CELSR1: variants seen among roughly 807,000 people sequenced by gnomAD.
The protein encoded by CELSR1 is cadherin EGF LAG seven-pass G-type receptor 1.
Under a neutral mutation model 249.1 loss-of-function variants are expected in CELSR1, and 110 were observed. That is an observed-to-expected ratio of 0.44 (90% confidence interval 0.38 to 0.52). The LOEUF (loss-of-function observed/expected upper bound fraction) is 0.52. Among genes scored for constraint, CELSR1 ranks in the 20% least tolerant of loss-of-function variants. The probability of loss-of-function intolerance (pLI) is 0.00; values close to 1 mark genes in which losing one functional copy is unlikely to be tolerated. For synonymous variants in CELSR1, 2,113 were observed against 1,900.0 expected, an observed-to-expected ratio of 1.11 and a Z score of -2.92; for missense variants, 4,109 against 4,296.4, an observed-to-expected ratio of 0.96 and a Z score of 1.22.
chr22:46,524,630 G>C lies in CELSR1; in HGVS notation c.3544+8997C>G, dbSNP rs982608888. Among the ~76,000 whole-genome samples the C allele has an allele frequency of 2.0e-5, 3 of 152,122 alleles. No individual in the cohort carries two copies. In the East Asian group the frequency reaches 5.8e-4, roughly 29 times the overall value. On this transcript the variant is annotated intron_variant, in intron 1 of 34. Coordinates refer to ENST00000674500, the MANE Select transcript of CELSR1 (RefSeq NM_001378328.1). ...AGCCCCTGGCCTTCATCCAGGACAA[G>C]AGAACAGGCGCTAGAGGGATGACCC...
At position 46,464,827 on chromosome 22, in the gene CELSR1, G is replaced by A. The variant is rs73454584; in HGVS notation, c.3545-482C>T. 0.038 allele frequency among the ~76,000 whole-genome samples: 5,754 copies of A among 152,082 alleles called. 313 individuals carry two copies. Among genetic ancestry groups the A allele is most frequent in the African/African-American group, 0.12 (4,904 of 41,460 alleles). ...CCTCCCAACAGTTCTTCCTGTCCTC[G>A]CAGCTCAGCTCAAACTCTGCAGTGC... On this transcript the variant is annotated intron_variant, in intron 1 of 34. Transcript: ENST00000674500. The surrounding 1 kb of genome is among the most constrained non-coding windows in gnomAD (Gnocchi z 8.5).
At chr22:46,365,484 A>G (rs2147156700) in intron 31 of CELSR1, 102 bp downstream of exon 31, 2 of 1,554,304 alleles carry the variant, frequency 1.3e-6, no homozygotes, top group Non-Finnish European at 1.7e-6. Context: ...GACGCTGAGC[A>G]TGGCGAGGCT....
In CELSR1 at chr22:46,463,897, G is replaced by A. The variant is rs1458995662; in HGVS notation, c.3993C>T (p.Leu1331=). The part of the protein sequence containing the change: ...VLRFDSSAPF[L]SSTTVLFRPI... ...GCCGGAAGAGCACGGTGGTGGAGCT[G>A]AGGAAGGGCGCGGAGCTGTCGAATC... The change falls in exon 2 of 35, where the codon CTC becomes CTT. Residue 1331 remains leucine (L), a synonymous_variant. Coordinates refer to ENST00000674500, the MANE Select transcript of CELSR1 (RefSeq NM_001378328.1). 1.2e-6 allele frequency: 2 copies of A among 1,613,412 alleles called. No homozygotes were observed. The highest frequency in any genetic ancestry group is 8.5e-7 in the Non-Finnish European group (1 of 1,179,696).
chr22:46,387,444 A>G (rs9627435), intron 18 of CELSR1, among the ~76,000 whole-genome samples: 4,159 of 152,142 alleles, frequency 0.027, 198 homozygotes, highest in African/African-American at 0.095. Context: ...GCAGTGGCAC[A>G]GTCTTGGCTC....
intron 19 of CELSR1, among the ~76,000 whole-genome samples, chr22:46,385,957 G>C (rs542028036): frequency 1.4e-4 from 20 of 145,112 alleles, no homozygotes; most frequent in African/African-American, 5.4e-4. Flanking sequence ...GATTACAGGC[G>C]TGAGCCACCG....
chr22:46,536,673 A>G lies in CELSR1; in HGVS notation c.498T>C (p.Cys166=). 1 of 1,164,858 alleles carries G rather than the reference A, an allele frequency of 8.6e-7. No individual in the cohort carries two copies. The highest frequency in any genetic ancestry group is 1.1e-6 in the Non-Finnish European group (1 of 947,102). 72.2% of individuals were successfully genotyped at this position (1,164,858 alleles called of 1,614,324 possible). Residue 166 remains cysteine, a synonymous_variant, in exon 1 of 35, where the codon TGT becomes TGC. Coordinates refer to ENST00000674500, the MANE Select transcript of CELSR1 (RefSeq NM_001378328.1). ...CRCPPRPRPR[C]PGRPICLPPG... is the part of the protein sequence containing the mutation. ...GCGGCAGGCAGATGGGACGGCCGGG[A>G]CAGCGGGGCCTGGGGCGCGGCGGGC...
chr22:46,362,716 C>A lies in CELSR1; in HGVS notation c.*507G>T. 5.8e-6 allele frequency: 1 copy of A among 173,378 alleles called. No homozygotes were observed. The highest frequency in any genetic ancestry group is 2.4e-5 in the African/African-American group (1 of 42,400). 10.7% of individuals were successfully genotyped at this position (173,378 alleles called of 1,614,324 possible). ...CCCATACAAATATATAAAAGTATCT[C>A]CACCTTTCCCACATAGCGAAGTGAT... On this transcript the variant is annotated 3_prime_UTR_variant, in exon 35 of 35. Transcript: ENST00000674500.
At chr22:46,519,662 T>A (rs1338191748) in intron 1 of CELSR1, among the ~76,000 whole-genome samples, 1 of 152,098 alleles carries the variant, frequency 6.6e-6, no homozygotes, top group Non-Finnish European at 1.5e-5. Context: ...CCCATGCCCC[T>A]GAGATGCAAG....
intron 11 of CELSR1, 35 bp from the exon 12 acceptor site, chr22:46,397,883 C>G: frequency 1.3e-6 from 2 of 1,482,680 alleles, no homozygotes; most frequent in Non-Finnish European, 1.8e-6. Flanking sequence ...GCTACAGGAG[C>G]CCGGAAAGGT....
chr22:46,518,513 C>G lies in CELSR1; in HGVS notation c.3544+15114G>C, dbSNP rs2080651704. On this transcript the variant is annotated intron_variant, in intron 1 of 34. Coordinates refer to ENST00000674500, the MANE Select transcript of CELSR1 (RefSeq NM_001378328.1). The surrounding 1 kb of genome is among the most constrained non-coding windows in gnomAD (Gnocchi z 5.2). The stretch of plus-strand genomic sequence containing the variant: ...TTAACACGAAGAAACCAGTCACACA[C>G]ACAAACATGAAGGCAGGCGTGGCAG... Among the ~76,000 whole-genome samples the G allele has an allele frequency of 6.6e-6, 1 of 152,238 alleles. No individual in the cohort carries two copies. Among genetic ancestry groups the G allele is most frequent in the Non-Finnish European group, 1.5e-5 (1 of 68,038 alleles).
rs527898295 is a variant in CELSR1, at chr22:46,471,885, C to T, written c.3545-7540G>A. ...CTGGGACCTGTACAGTTTTCAGGGGCTGCGGTCTGTGGCCTTCAGGTGATG... is the reference window on the plus strand; with the variant it reads ...CTGGGACCTGTACAGTTTTCAGGGGTTGCGGTCTGTGGCCTTCAGGTGATG... On this transcript the variant is annotated intron_variant, in intron 1 of 34. Coordinates refer to ENST00000674500, the MANE Select transcript of CELSR1 (RefSeq NM_001378328.1). The surrounding 1 kb of genome is among the most constrained non-coding windows in gnomAD (Gnocchi z 4.9). 4.6e-5 allele frequency among the ~76,000 whole-genome samples: 7 copies of T among 152,180 alleles called. No homozygotes were observed. The highest frequency in any genetic ancestry group is 1.0e-4 in the Non-Finnish European group (7 of 68,036).
At position 46,379,793 on chromosome 22, in the gene CELSR1, C is replaced by T. The variant is rs192420070; in HGVS notation, c.7256+995G>A. On this transcript the variant is annotated intron_variant, in intron 22 of 34. Coordinates refer to ENST00000674500, the MANE Select transcript of CELSR1 (RefSeq NM_001378328.1). ...TGCACAGACGTCCCCAGATGCACAA[C>T]GCTCCGCAGATTCAAGCCTGACTCC... 1.3e-4 allele frequency among the ~76,000 whole-genome samples: 20 copies of T among 152,298 alleles called. No homozygotes were observed. In the East Asian group the frequency reaches 3.3e-3, roughly 25 times the overall value.
chr22:46,438,378 C>T (rs2147459614), intron 3 of CELSR1, among the ~76,000 whole-genome samples: 1 of 152,314 alleles, frequency 6.6e-6, no homozygotes, highest in Non-Finnish European at 1.5e-5. Flanking sequence ...CGGCCCCTCA[C>T]AGCGGCTCTC....
At chr22:46,487,178 G>A (rs1467864726) in intron 1 of CELSR1, among the ~76,000 whole-genome samples, 1 of 152,114 alleles carries the variant, frequency 6.6e-6, no homozygotes, top group Non-Finnish European at 1.5e-5. Context: ...TCCTGCTATT[G>A]CATGATTAAG....
At chr22:46,493,009 C>T (rs1028680099) in intron 1 of CELSR1, among the ~76,000 whole-genome samples, 4 of 152,124 alleles carry the variant, frequency 2.6e-5, no homozygotes, top group South Asian at 4.1e-4. Flanking sequence ...TTTGGGAAAC[C>T]GAGATGGGAG....
At position 46,439,404 on chromosome 22, in the gene CELSR1, G is replaced by A. The variant is rs1036565442; in HGVS notation, c.4191C>T (p.His1397=). 1 of 1,612,230 alleles carries A rather than the reference G, an allele frequency of 6.2e-7. No homozygotes were observed. The highest frequency in any genetic ancestry group is 8.5e-7 in the Non-Finnish European group (1 of 1,179,702). The change falls in exon 3 of 35, where the codon CAC becomes CAT. Residue 1397 remains histidine, a synonymous_variant. Coordinates refer to ENST00000674500, the MANE Select transcript of CELSR1 (RefSeq NM_001378328.1). ...CECFEDFTGE[H]CEVDARSGRC... ...GGCCTGAGCGGGCATCCACCTCACA[G>A]TGCTCTCCTGGGGGGCGAGAGGAAG...
At chr22:46,379,304 G>A (rs2078952228) in intron 22 of CELSR1, among the ~76,000 whole-genome samples, 1 of 152,216 alleles carries the variant, frequency 6.6e-6, no homozygotes, top group South Asian at 2.1e-4. Context: ...GTTATAAGGT[G>A]TGTCTCAGCT....
chr22:46,417,439 C>T lies in CELSR1; in HGVS notation c.4612-5680G>A, dbSNP rs117562354. 0.036 allele frequency among the ~76,000 whole-genome samples: 5,489 copies of T among 152,266 alleles called. 104 individuals are homozygous for T. Among genetic ancestry groups the T allele is most frequent in the Middle Eastern group, 0.095 (28 of 294 alleles). On this transcript the variant is annotated intron_variant, in intron 5 of 34. Coordinates refer to ENST00000674500, the MANE Select transcript of CELSR1 (RefSeq NM_001378328.1). The surrounding 1 kb of genome is among the most constrained non-coding windows in gnomAD (Gnocchi z 4.1). The stretch of plus-strand genomic sequence containing the variant: ...CAATACCCCTAGGCAGGTAACAGGA[C>T]CCTGTTCCGCCAGGTAGCCACCCTC...
rs186401163 is a variant in CELSR1 at position 46,471,158 on chromosome 22, C to T, written c.3545-6813G>A. Among the ~76,000 whole-genome samples the T allele has an allele frequency of 7.2e-5, 11 of 152,174 alleles. No individual in the cohort carries two copies. Among genetic ancestry groups the T allele is most frequent in the Admixed American group, 2.0e-4 (3 of 15,258 alleles). On this transcript the variant is annotated intron_variant, in intron 1 of 34. Transcript: ENST00000674500. This position sits in a 1 kb window ranked among gnomAD's most constrained non-coding sequence, Gnocchi z 4.9. ...AACAACAAAAAAGGAAGGAGTTACTCTTTCACACAAAACAAAACAAAAAAA... is the reference window on the plus strand; with the variant it reads ...AACAACAAAAAAGGAAGGAGTTACTTTTTCACACAAAACAAAACAAAAAAA...
Sources: gnomAD v4.1 joint callset for allele counts (sites outside exome capture counted in the v4.1 genomes callset) on GRCh38, gnomAD v4.1.1 for gene constraint, Gnocchi (gnomAD v3.1) non-coding constraint, MANE v1.5 for transcripts, NCBI Gene and HGNC (gene_info 2026-07-23, HGNC 2026-07-21) for gene names.